Variants in NEDD1 observed in about 807,000 individuals in gnomAD.
NEDD1 encodes protein NEDD1.
NEDD1 carries 33 observed loss-of-function variants against 74.0 expected under a neutral mutation model. The ratio of observed to expected loss-of-function variants is 0.45; its 90% CI spans 0.34 to 0.60. The LOEUF is 0.60. NEDD1 is among the 20% of genes least tolerant of loss of function. NEDD1 has a pLI of 0.01. For missense variants in NEDD1, 746 were observed against 776.5 expected (o/e 0.96, Z 0.47); for synonymous variants, 250 against 264.4 (o/e 0.95, Z 0.53).
At position 96,952,137 on chromosome 12, in the gene NEDD1, G is replaced by A; in HGVS notation, c.*84G>A. 1 of 725,812 alleles carries A rather than the reference G, an allele frequency of 1.4e-6. No individual in the cohort carries two copies. The highest frequency in any genetic ancestry group is 2.4e-6 in the Non-Finnish European group (1 of 418,300). 45.0% of individuals were successfully genotyped at this position (725,812 alleles called of 1,614,324 possible). ...ACATAGAATCAGTATTGTTTTCATG[G>A]CCTCCAGGGAAAAAATGTTTTTCAA... On this transcript the variant is annotated 3_prime_UTR_variant, in exon 16 of 16. Coordinates refer to ENST00000266742, the MANE Select transcript of NEDD1 (RefSeq NM_152905.4).
intron 6 of NEDD1, among the ~76,000 whole-genome samples, chr12:96,931,976 T>C (rs1388008733): frequency 6.6e-6 from 1 of 152,168 alleles, no homozygotes; most frequent in Non-Finnish European, 1.5e-5. Flanking sequence ...CTAGCCAACT[T>C]ATTTTTGTAA....
intron 4 of NEDD1, among the ~76,000 whole-genome samples, chr12:96,914,930 G>A (rs1024918364): frequency 6.6e-6 from 1 of 152,144 alleles, no homozygotes; most frequent in Admixed American, 6.5e-5. Context: ...AAGAGTAATT[G>A]TAGTTGTTGT....
At chr12:96,950,773 C>T (rs1878637139) in intron 14 of NEDD1, among the ~76,000 whole-genome samples, 1 of 151,820 alleles carries the variant, frequency 6.6e-6, no homozygotes, top group African/African-American at 2.4e-5. Flanking sequence ...CAGACAGGAA[C>T]ACACAGGAAG....
intron 13 of NEDD1, 102 bp downstream of exon 13, chr12:96,944,897 T>A: frequency 1.1e-6 from 1 of 885,068 alleles, no homozygotes. Flanking sequence ...AGACTAAAAA[T>A]GTTCAAAGAG....
chr12:96,923,010 G>A (rs1688489420), intron 6 of NEDD1, among the ~76,000 whole-genome samples: 1 of 152,082 alleles, frequency 6.6e-6, no homozygotes, highest in Non-Finnish European at 1.5e-5. Context: ...CCAGCTGCTT[G>A]GGAGGCTGAG....
intron 9 of NEDD1, among the ~76,000 whole-genome samples, chr12:96,939,005 A>G (rs1472557933): frequency 6.6e-6 from 1 of 152,040 alleles, no homozygotes; most frequent in Admixed American, 6.6e-5. Flanking sequence ...GGTTATTGTG[A>G]AAATCAGATA....
At chr12:96,935,291 T>A in intron 7 of NEDD1, 86 bp downstream of exon 7, 1 of 793,166 alleles carries the variant, frequency 1.3e-6, no homozygotes, top group Non-Finnish European at 2.1e-6. Context: ...TATAGACCTC[T>A]GATTAGTGTC....
In NEDD1 at chr12:96,942,644, AT is replaced by A; in HGVS notation, c.1294+24del. On this transcript the variant is annotated intron_variant, in intron 11 of 15. Coordinates refer to ENST00000266742, the MANE Select transcript of NEDD1 (RefSeq NM_152905.4). ...GAGATGGTAAGAACTACTTAGAAGT[AT>A]TTTCGTGAAAATGAAAAGTGAATTG... 1 of 1,309,682 alleles carries A rather than the reference AT, an allele frequency of 7.6e-7. No homozygotes were observed. Among genetic ancestry groups the A allele is most frequent in the Non-Finnish European group, 1.1e-6 (1 of 909,322 alleles). The allele number at this position is 1,309,682 out of a possible 1,614,324, so 81.1% of individuals were successfully genotyped here. A position where few individuals can be genotyped will look rare whatever the true frequency, so the allele number is the denominator to read the frequency against.
In NEDD1 at chr12:96,920,077, T is replaced by TGTAA; in HGVS notation, c.442_445dup (p.Thr149SerfsTer4). 6.2e-7 allele frequency: 1 copy of TGTAA among 1,606,530 alleles called. No homozygotes were observed. The highest frequency in any genetic ancestry group is 8.5e-7 in the Non-Finnish European group (1 of 1,173,772). On this transcript the variant is annotated frameshift_variant, in exon 6 of 16. Coordinates refer to ENST00000266742, the MANE Select transcript of NEDD1 (RefSeq NM_152905.4). LOFTEE classifies it high-confidence loss of function. The stretch of plus-strand genomic sequence containing the variant: ...TTAGTGGTGAAATTATTTTACACAG[T>TGTAA]GTAACCACTAATTTATCTAGTACTC...
In NEDD1 at chr12:96,940,329, A is replaced by G. The variant is rs1877538062; in HGVS notation, c.1118-80A>G. The stretch of plus-strand genomic sequence containing the variant: ...TAATATTACCAACAATATGAGTGAT[A>G]CATTAATTTTTACAACCTAGCTTAT... On this transcript the variant is annotated intron_variant, in intron 9 of 15. Transcript: ENST00000266742. 4.0e-6 allele frequency: 3 copies of G among 747,842 alleles called. No homozygotes were observed. The South Asian group carries it at 6.6e-5, about 16-fold the overall frequency. 46.3% of individuals were successfully genotyped at this position (747,842 alleles called of 1,614,324 possible).
Position 96,951,783 on chromosome 12 carries a change from G to C in NEDD1, c.1879-166G>C, listed in dbSNP as rs546230180. On this transcript the variant is annotated intron_variant, in intron 15 of 15. Coordinates refer to ENST00000266742, the MANE Select transcript of NEDD1 (RefSeq NM_152905.4). Reference sequence around the variant, plus strand: ...TTCCAAATATACTAATTTCACCAACGATCTTCCATTTATATTAACAAACTA... The same window carrying C: ...TTCCAAATATACTAATTTCACCAACCATCTTCCATTTATATTAACAAACTA... Among the ~76,000 whole-genome samples the C allele has an allele frequency of 2.0e-5, 3 of 151,556 alleles. No individual in the cohort carries two copies. In the South Asian group the frequency reaches 6.2e-4, roughly 31 times the overall value.
At position 96,919,974 on chromosome 12, in the gene NEDD1, C is replaced by A. The variant is rs1219536851; in HGVS notation, c.349-11C>A. The A allele has an allele frequency of 5.7e-6, 9 of 1,590,766 alleles. No individual in the cohort carries two copies. The highest frequency in any genetic ancestry group is 7.7e-6 in the Non-Finnish European group (9 of 1,163,830). The stretch of plus-strand genomic sequence containing the variant: ...TGGGGCAGTGTACTTACTTTCATTT[C>A]TCTCTTTCAGGATCATAAAGATCAA... On this transcript the variant is annotated splice_polypyrimidine_tract_variant and intron_variant, in intron 5 of 15. Coordinates refer to ENST00000266742, the MANE Select transcript of NEDD1 (RefSeq NM_152905.4).
intron 4 of NEDD1, among the ~76,000 whole-genome samples, chr12:96,915,621 A>C (rs1874356606): frequency 6.6e-6 from 1 of 152,232 alleles, no homozygotes; most frequent in Non-Finnish European, 1.5e-5. Context: ...TGCACTGTGG[A>C]AGTTCCAACT....
chr12:96,927,462 G>A lies in NEDD1; in HGVS notation c.489+7337G>A, dbSNP rs372376583. ...CTGACAGACTACTTAGGTTATAATT[G>A]CATGTCACTCTTTAGCAAGTTTAGC... On this transcript the variant is annotated intron_variant, in intron 6 of 15. Transcript: ENST00000266742. Among the ~76,000 whole-genome samples the A allele has an allele frequency of 9.2e-5, 14 of 152,314 alleles. No homozygotes were observed. The East Asian group carries it at 1.9e-3, about 21-fold the overall frequency.
rs769150385 is a variant in NEDD1 at position 96,936,610 on chromosome 12, G to A, written c.720-1G>A. 1.2e-6 allele frequency: 2 copies of A among 1,609,060 alleles called. No homozygotes were observed. The highest frequency in any genetic ancestry group is 1.7e-6 in the Non-Finnish European group (2 of 1,175,506). On this transcript the variant is annotated splice_acceptor_variant, in intron 7 of 15. Transcript: ENST00000266742. LOFTEE classifies it high-confidence loss of function. ...CACATACTTTGTTCTCCTTTCCAAA[G>A]GCTAGTGAAAACTTTAGTGGCTGAC...
intron 14 of NEDD1, among the ~76,000 whole-genome samples, 155 bp downstream of exon 14, chr12:96,946,004 G>T (rs564134698): frequency 2.0e-5 from 3 of 151,694 alleles, no homozygotes. Flanking sequence ...TGATCTTTTC[G>T]TACTGCATTT....
intron 10 of NEDD1, among the ~76,000 whole-genome samples, 189 bp from the exon 11 acceptor site, chr12:96,942,388 A>G (rs928384884): frequency 3.9e-5 from 6 of 152,120 alleles, no homozygotes; most frequent in African/African-American, 1.4e-4. Context: ...ATTTGCTGCT[A>G]AAGTGTGAAT....
At chr12:96,912,927 T>C (rs1345131157) in intron 4 of NEDD1, 110 bp downstream of exon 4, 7 of 594,624 alleles carry the variant, frequency 1.2e-5, no homozygotes, top group African/African-American at 1.9e-5. Flanking sequence ...AAAGCATTAT[T>C]TTTAACTTAA....
intron 8 of NEDD1, 49 bp downstream of exon 8, chr12:96,936,861 C>T: frequency 8.5e-7 from 1 of 1,170,122 alleles, no homozygotes. Context: ...ATAAATCTAA[C>T]TCAGAATATG....
Sources: allele counts gnomAD v4.1 joint callset (sites outside exome capture counted in the v4.1 genomes callset), GRCh38; gene constraint gnomAD v4.1.1; transcripts MANE v1.5; gene names NCBI Gene and HGNC (gene_info 2026-07-23, HGNC 2026-07-21).